Variants in PCP4 observed in about 807,000 individuals in gnomAD.
The protein encoded by PCP4 is Purkinje cell protein 4.
A neutral mutation model predicts 10.0 loss-of-function variants in PCP4; 8 were observed. The ratio of observed to expected loss-of-function variants is 0.80; its 90% CI spans 0.47 to 1.45. The LOEUF (loss-of-function observed/expected upper bound fraction) is 1.45, where lower values mean the gene tolerates loss of function less well. Ranked by LOEUF, PCP4 falls within the 40% of genes most tolerant of loss-of-function variation. The pLI is 0.00. For synonymous variants in PCP4, 21 were observed against 23.0 expected, an observed-to-expected ratio of 0.91 and a Z score of 0.24; for missense variants, 54 against 74.4, an observed-to-expected ratio of 0.73 and a Z score of 1.01.
At chr21:39,887,969 T>G (rs564697108) in intron 1 of PCP4, among the ~76,000 whole-genome samples, 1 of 152,386 alleles carries the variant, frequency 6.6e-6, no homozygotes, top group African/African-American at 2.4e-5. Context: ...GGTCCCCATG[T>G]GCAATATATA....
intron 1 of PCP4, among the ~76,000 whole-genome samples, chr21:39,871,335 C>G (rs974432747): frequency 1.3e-5 from 2 of 152,124 alleles, no homozygotes; most frequent in African/African-American, 4.8e-5. Context: ...CTTCTTACAA[C>G]GTAAGGGTAA....
intron 2 of PCP4, among the ~76,000 whole-genome samples, chr21:39,924,624 A>G (rs2299799): frequency 6.6e-6 from 1 of 151,992 alleles, no homozygotes; most frequent in East Asian, 1.9e-4. Context: ...TGCAGCCTCC[A>G]CCTCCCGGGC....
intron 1 of PCP4, among the ~76,000 whole-genome samples, chr21:39,896,827 G>T (rs1449383341): frequency 6.6e-6 from 1 of 152,162 alleles, no homozygotes; most frequent in Non-Finnish European, 1.5e-5. Context: ...AAAGGAAACT[G>T]ATTGTTATTT....
At chr21:39,913,744 G>C (rs549244742) in intron 2 of PCP4, among the ~76,000 whole-genome samples, 1 of 152,308 alleles carries the variant, frequency 6.6e-6, no homozygotes, top group East Asian at 1.9e-4. Flanking sequence ...CCCTGGCTTT[G>C]CTTCACAGAC....
chr21:39,895,961 C>A (rs2299756), intron 1 of PCP4, among the ~76,000 whole-genome samples: 27,706 of 152,188 alleles, frequency 0.18, 3,152 homozygotes, highest in Admixed American at 0.28. Flanking sequence ...ATAACGAGTT[C>A]TTTTTTTGTC....
intron 2 of PCP4, chr21:39,926,212 A>G (rs2087620642): frequency 3.0e-6 from 1 of 331,912 alleles, no homozygotes; most frequent in South Asian, 2.4e-5. Context: ...TCTTTTTTAA[A>G]CAATGTAATA....
chr21:39,904,232 C>T (rs62236566), intron 2 of PCP4, among the ~76,000 whole-genome samples: 51 of 152,250 alleles, frequency 3.3e-4, no homozygotes, highest in Admixed American at 5.9e-4. Flanking sequence ...TCACTACCCC[C>T]TACCCCTGGC....
At chr21:39,872,098 A>C (rs1048245723) in intron 1 of PCP4, among the ~76,000 whole-genome samples, 2 of 152,114 alleles carry the variant, frequency 1.3e-5, no homozygotes, top group African/African-American at 4.8e-5. Flanking sequence ...TCCCAGGTTC[A>C]AGCAATTCTC....
rs776961140 is a variant in PCP4, at chr21:39,929,052, G to T, written c.130G>T (p.Val44Leu). 1 of 1,613,432 alleles carries T rather than the reference G, an allele frequency of 6.2e-7. No homozygotes were observed. Among genetic ancestry groups the T allele is most frequent in the Non-Finnish European group, 8.5e-7 (1 of 1,179,584 alleles). The part of the protein sequence containing the change: ...MDAPETERAA[V>L]AIQSQFRKFQ... ...TGCACCAGAGACAGAACGTGCAGCG[G>T]TGGCCATTCAGTCTCAGTTCAGAAA... is the stretch of plus-strand genomic sequence containing the variant. Residue 44 changes from valine (V) to leucine (L), a missense_variant, in exon 3 of 3, where the codon GTG (valine) becomes TTG (leucine). Physicochemically the swap from Val to Leu is conservative, Grantham distance 32 (BLOSUM62 1). Coordinates refer to ENST00000328619, the MANE Select transcript of PCP4 (RefSeq NM_006198.3).
intron 1 of PCP4, among the ~76,000 whole-genome samples, chr21:39,877,243 C>A (rs2087350736): frequency 6.6e-6 from 1 of 152,138 alleles, no homozygotes; most frequent in Non-Finnish European, 1.5e-5. Context: ...AGAACAGCCA[C>A]AGAAATCTTG....
chr21:39,878,968 G>T (rs193295752), intron 1 of PCP4, among the ~76,000 whole-genome samples: 245 of 151,492 alleles, frequency 1.6e-3, no homozygotes, highest in Non-Finnish European at 2.0e-3. Flanking sequence ...TCTTCTTGAA[G>T]AAAATTTTCT....
chr21:39,869,640 A>G (rs2087310356), intron 1 of PCP4, among the ~76,000 whole-genome samples: 1 of 152,038 alleles, frequency 6.6e-6, no homozygotes, highest in African/African-American at 2.4e-5. Flanking sequence ...CTGATCTCCA[A>G]GTTCCTGGGC....
chr21:39,908,303 G>A (rs1010726134), intron 2 of PCP4, among the ~76,000 whole-genome samples: 2 of 152,150 alleles, frequency 1.3e-5, no homozygotes, highest in Non-Finnish European at 2.9e-5. Flanking sequence ...CACAGTCGGT[G>A]TAAGCCCCTC....
intron 1 of PCP4, among the ~76,000 whole-genome samples, chr21:39,887,819 A>G (rs576591543): frequency 7.0e-4 from 106 of 152,288 alleles, no homozygotes; most frequent in Non-Finnish European, 1.2e-3. Context: ...TTGTTTCTTT[A>G]TAAACAGGGT....
rs374992467 is a variant in PCP4 at position 39,916,486 on chromosome 21, A to G, written c.62-12498A>G. 8.9e-4 allele frequency among the ~76,000 whole-genome samples: 135 copies of G among 152,276 alleles called. 3 individuals are homozygous for G. In the South Asian group the frequency reaches 0.024, roughly 28 times the overall value. On this transcript the variant is annotated intron_variant, in intron 2 of 2. Coordinates refer to ENST00000328619, the MANE Select transcript of PCP4 (RefSeq NM_006198.3). ...TTTCTGGCTTGGTAAATTTTCCTCC[A>G]TCCCTTTGTTTTGAACCTATGTATG...
chr21:39,912,889 A>G (rs1046442150), intron 2 of PCP4, among the ~76,000 whole-genome samples: 2 of 151,964 alleles, frequency 1.3e-5, no homozygotes, highest in Non-Finnish European at 2.9e-5. Flanking sequence ...TATTTTTTGA[A>G]GAGATGAGGT....
intron 1 of PCP4, 66 bp downstream of exon 1, chr21:39,867,576 G>C: frequency 6.7e-7 from 1 of 1,501,434 alleles, no homozygotes; most frequent in Non-Finnish European, 9.3e-7. Flanking sequence ...TGAAGGATTA[G>C]TCTCAGGAAA....
chr21:39,916,511 G>A (rs1159754875), intron 2 of PCP4, among the ~76,000 whole-genome samples: 1 of 152,146 alleles, frequency 6.6e-6, no homozygotes, highest in East Asian at 1.9e-4. Flanking sequence ...ACCTATGTAT[G>A]TCTTAGCTCA....
chr21:39,926,091 C>T (rs891364183), intron 2 of PCP4: 19 of 455,948 alleles, frequency 4.2e-5, no homozygotes, highest in Admixed American at 2.3e-4. Context: ...ACTGGCTCAG[C>T]GGAAGGAGCT....
Sources: allele counts gnomAD v4.1 joint callset (sites outside exome capture counted in the v4.1 genomes callset), GRCh38; gene constraint gnomAD v4.1.1; transcripts MANE v1.5; gene names NCBI Gene and HGNC (gene_info 2026-07-23, HGNC 2026-07-21).